The following ELAVL1 variants were observed in gnomAD, a reference collection of about 807,000 sequenced individuals.
The protein encoded by ELAVL1 is ELAV like RNA binding protein 1.
Under a neutral mutation model 28.4 loss-of-function variants are expected in ELAVL1, and 1 was observed. The observed-to-expected ratio is 0.04, with a 90% CI of 0.01 to 0.17. ELAVL1 has a LOEUF of 0.17. Among genes scored for constraint, ELAVL1 ranks in the 10% least tolerant of loss-of-function variants. The pLI is 1.00. For missense variants in ELAVL1, 157 were observed against 447.2 expected, an observed-to-expected ratio of 0.35 and a Z score of 5.85; for synonymous variants, 174 against 183.5, an observed-to-expected ratio of 0.95 and a Z score of 0.42.
rs1451819556 is a variant in ELAVL1, at chr19:7,981,356, T to G, written c.173-170A>C. 1.2e-5 allele frequency among the ~76,000 whole-genome samples: 1 copy of G among 81,224 alleles called. No homozygotes were observed. Among genetic ancestry groups the G allele is most frequent in the Non-Finnish European group, 3.2e-5 (1 of 31,282 alleles). 53.3% of individuals were successfully genotyped at this position (81,224 alleles called of 152,430 possible). ...ATTTTCTGCAATGAACACAGGTTCC[T>G]TTTTTTTTTTTTTTTTAAAGAGATA... On this transcript the variant is annotated intron_variant, in intron 2 of 5. Transcript: ENST00000407627. This position sits in a 1 kb window ranked among gnomAD's most constrained non-coding sequence, Gnocchi z 4.2.
At position 8,005,590 on chromosome 19, in the gene ELAVL1, G is replaced by GCGGCGGTGGCGGCGACGGCGA. The variant is rs1352176807; in HGVS notation, c.-133_-113dup. Reference sequence around the variant, plus strand: ...GCTCCGCTCGGCCTCGGTAGCGGTGGCGGCGGTGGCGGCGACGGCGACGGC... The same window carrying GCGGCGGTGGCGGCGACGGCGA: ...GCTCCGCTCGGCCTCGGTAGCGGTGGCGGCGGTGGCGGCGACGGCGACGGCGGTGGCGGCGACGGCGACGGC... On this transcript the variant is annotated 5_prime_UTR_variant, in exon 1 of 6. Coordinates refer to ENST00000407627, the MANE Select transcript of ELAVL1 (RefSeq NM_001419.3). 6.7e-6 allele frequency: 1 copy of GCGGCGGTGGCGGCGACGGCGA among 149,166 alleles called. No individual in the cohort carries two copies. The highest frequency in any genetic ancestry group is 1.9e-4 in the East Asian group (1 of 5,162). The allele number at this position is 149,166 out of a possible 1,614,324, so 9.2% of individuals were successfully genotyped here.
intron 3 of ELAVL1, among the ~76,000 whole-genome samples, chr19:7,976,796 C>G (rs1387833472): frequency 1.3e-5 from 2 of 152,116 alleles, no homozygotes; most frequent in Non-Finnish European, 2.9e-5. Context: ...TCCTCCTGTC[C>G]CTATTTAGTT....
At chr19:7,983,239 G>C (rs1985511189) in intron 2 of ELAVL1, among the ~76,000 whole-genome samples, 1 of 152,184 alleles carries the variant, frequency 6.6e-6, no homozygotes, top group Non-Finnish European at 1.5e-5. Context: ...GACAAAGTGA[G>C]AACCCAGAGC....
Position 8,001,620 on chromosome 19 carries a change from C to G in ELAVL1, c.-17+3875G>C, listed in dbSNP as rs531017893. ...ATTCCTTCCCCTGACATAAACGTCT[C>G]ACTCTTAAAAAAAATTTTTTTTTTT... On this transcript the variant is annotated intron_variant, in intron 1 of 5. Coordinates refer to ENST00000407627, the MANE Select transcript of ELAVL1 (RefSeq NM_001419.3). Among the ~76,000 whole-genome samples, 9 of 150,068 alleles carry G rather than the reference C, an allele frequency of 6.0e-5. No individual in the cohort carries two copies. In the South Asian group the frequency reaches 1.7e-3, roughly 28 times the overall value.
chr19:7,969,133 G>A (rs536842126), intron 4 of ELAVL1, among the ~76,000 whole-genome samples: 1 of 152,224 alleles, frequency 6.6e-6, no homozygotes, highest in Non-Finnish European at 1.5e-5. Flanking sequence ...TCCAGAGGCT[G>A]AGGCAAGAGA....
At chr19:7,990,375 C>T (rs1164027842) in intron 2 of ELAVL1, among the ~76,000 whole-genome samples, 1 of 146,956 alleles carries the variant, frequency 6.8e-6, no homozygotes, top group Non-Finnish European at 1.5e-5. Flanking sequence ...CACTATGTTG[C>T]CCAGGCTAAA....
At chr19:7,991,244 G>T (rs1006248073) in intron 2 of ELAVL1, among the ~76,000 whole-genome samples, 1 of 152,182 alleles carries the variant, frequency 6.6e-6, no homozygotes, top group Non-Finnish European at 1.5e-5. Flanking sequence ...ACAGACAGGG[G>T]CAGGCCTACC....
intron 1 of ELAVL1, among the ~76,000 whole-genome samples, chr19:7,994,417 G>A (rs917118160): frequency 1.3e-5 from 2 of 152,228 alleles, no homozygotes; most frequent in Admixed American, 6.5e-5. Flanking sequence ...CAGTACTGCC[G>A]AGGTTGGGAA....
intron 1 of ELAVL1, among the ~76,000 whole-genome samples, chr19:8,005,291 G>GA (rs1207018890): frequency 6.6e-6 from 1 of 151,116 alleles, no homozygotes; most frequent in Non-Finnish European, 1.5e-5. Context: ...AGAGGAATCC[G>GA]GCCCCGGGGC....
intron 5 of ELAVL1, 45 bp downstream of exon 5, chr19:7,967,520 C>G (rs769836408): frequency 4.4e-6 from 7 of 1,589,940 alleles, no homozygotes; most frequent in Non-Finnish European, 6.0e-6. Context: ...CGCCTGCCAG[C>G]GGGGCTAAGT....
At chr19:7,990,797 T>C (rs917780454) in intron 2 of ELAVL1, among the ~76,000 whole-genome samples, 4 of 146,582 alleles carry the variant, frequency 2.7e-5, no homozygotes, top group Admixed American at 2.7e-4. Flanking sequence ...GGGGTAGGGG[T>C]GGGTAGAGGG....
intron 1 of ELAVL1, among the ~76,000 whole-genome samples, chr19:8,003,824 T>A (rs2081077782): frequency 6.6e-6 from 1 of 152,166 alleles, no homozygotes; most frequent in Admixed American, 6.5e-5. Flanking sequence ...CGTTCGTGTA[T>A]CTCAACCTCT....
At chr19:7,967,858 A>G (rs548055661) in intron 4 of ELAVL1, 68 bp from the exon 5 acceptor site, 2 of 1,551,758 alleles carry the variant, frequency 1.3e-6, no homozygotes, top group South Asian at 1.2e-5. Flanking sequence ...CTGAAAAGCA[A>G]AAGTCAGGTC....
chr19:7,980,867 G>A (rs1985442527), intron 3 of ELAVL1, among the ~76,000 whole-genome samples: 1 of 152,166 alleles, frequency 6.6e-6, no homozygotes, highest in Admixed American at 6.5e-5. Context: ...AGGCCTGGGA[G>A]CTGACGCAAC....
chr19:7,963,711 C>T lies in ELAVL1; in HGVS notation c.753G>A (p.Leu251=). 1 of 1,614,262 alleles carries T rather than the reference C, an allele frequency of 6.2e-7. No homozygotes were observed. Among genetic ancestry groups the T allele is most frequent in the Non-Finnish European group, 8.5e-7 (1 of 1,180,044 alleles). ...GGATCCCCTCGTCGGCATCCTGCCC[C>T]AGGTTGTAGATGAAAATGCACCAGC... ...SSGWCIFIYN[L]GQDADEGILW... Residue 251 remains leucine, a synonymous_variant, in exon 6 of 6, where the codon CTG becomes CTA. Transcript: ENST00000407627. The surrounding 1 kb of genome is among the most constrained non-coding windows in gnomAD (Gnocchi z 4.5).
At chr19:7,996,389 G>C (rs761083378) in intron 1 of ELAVL1, among the ~76,000 whole-genome samples, 7 of 151,430 alleles carry the variant, frequency 4.6e-5, no homozygotes, top group Non-Finnish European at 1.0e-4. Context: ...CACCGTGTTA[G>C]CCAGGATGGT....
chr19:7,983,460 G>A (rs1391565830), intron 2 of ELAVL1, among the ~76,000 whole-genome samples: 2 of 152,176 alleles, frequency 1.3e-5, no homozygotes, highest in African/African-American at 4.8e-5. Flanking sequence ...CCACGGGAGG[G>A]ACTCGGGATG....
At chr19:7,999,829 T>C (rs1195822338) in intron 1 of ELAVL1, among the ~76,000 whole-genome samples, 4 of 152,188 alleles carry the variant, frequency 2.6e-5, no homozygotes, top group Non-Finnish European at 5.9e-5. Flanking sequence ...CAGGCTGGAG[T>C]GCAGTGGTGC....
rs757692680 is a variant in ELAVL1 at position 7,981,147 on chromosome 19, G to A, written c.212C>T (p.Ala71Val). The A allele has an allele frequency of 1.2e-6, 2 of 1,614,066 alleles. No individual in the cohort carries two copies. The highest frequency in any genetic ancestry group is 8.5e-7 in the Non-Finnish European group (1 of 1,179,996). Residue 71 changes from alanine to valine, a missense_variant, in exon 3 of 6, where the codon GCG becomes GTG. Ala to Val is a moderately conservative substitution (Grantham distance 64). Around this residue, in one of 4 missense-constraint regions of ELAVL1, gnomAD observed 28 missense variants for 89.7 expected, o/e 0.31. Coordinates refer to ENST00000407627, the MANE Select transcript of ELAVL1 (RefSeq NM_001419.3). The surrounding 1 kb of genome is among the most constrained non-coding windows in gnomAD (Gnocchi z 4.2). ...GTTGATCGCTCTCTCTGCATCCTTCGCGGTCACGTAGTTCACAAAGCCATA... is the reference window on the plus strand; with the variant it reads ...GTTGATCGCTCTCTCTGCATCCTTCACGGTCACGTAGTTCACAAAGCCATA... ...LGYGFVNYVT[A>V]KDAERAINTL...
Sources: allele counts gnomAD v4.1 joint callset (sites outside exome capture counted in the v4.1 genomes callset), GRCh38; gene constraint gnomAD v4.1.1; regional missense constraint gnomAD v4.1.1; non-coding constraint Gnocchi (gnomAD v3.1); transcripts MANE v1.5; gene names NCBI Gene and HGNC (gene_info 2026-07-23, HGNC 2026-07-21).